The following WDPCP variants were observed in gnomAD, a reference collection of about 807,000 sequenced individuals.
WDPCP encodes the protein WD repeat-containing and planar cell polarity effector protein fritz homolog.
In WDPCP, 71 loss-of-function variants were observed where a neutral mutation model predicts 93.1. That is an observed-to-expected ratio of 0.76 (90% confidence interval 0.63 to 0.93). WDPCP has a LOEUF of 0.93. WDPCP is among the 40% of genes least tolerant of loss of function. The pLI, the probability that WDPCP is intolerant of heterozygous loss-of-function variation, is 0.00. For missense variants in WDPCP, 844 were observed against 887.4 expected (o/e 0.95, Z 0.62); for synonymous variants, 315 against 315.0 (o/e 1.00, Z 0.00).
At chr2:63,368,297 A>ATTTATTT (rs372647501) in intron 12 of WDPCP, among the ~76,000 whole-genome samples, 29 of 147,150 alleles carry the variant, frequency 2.0e-4, no homozygotes, top group Non-Finnish European at 2.6e-4. Flanking sequence ...GTTTATTTTT[A>ATTTATTT]ATTTATTTAT....
rs556701249 is a variant in WDPCP, at chr2:63,525,545, GT to G, written c.76-32606del. 1.2e-3 allele frequency among the ~76,000 whole-genome samples: 176 copies of G among 152,140 alleles called. 1 individual carries two copies. Among genetic ancestry groups the G allele is most frequent in the African/African-American group, 4.2e-3 (173 of 41,498 alleles). ...TATTCTTCTATTCTTTAAATTCCAAGTTTCATCCAAATCCATTGTCTGCTCA... is the reference window on the plus strand; with the variant it reads ...TATTCTTCTATTCTTTAAATTCCAAGTTCATCCAAATCCATTGTCTGCTCA... On this transcript the variant is annotated intron_variant, in intron 1 of 17. Coordinates refer to ENST00000272321, the MANE Select transcript of WDPCP (RefSeq NM_015910.7).
intron 1 of WDPCP, among the ~76,000 whole-genome samples, chr2:63,552,916 C>G (rs1350997366): frequency 6.6e-6 from 1 of 152,106 alleles, no homozygotes; most frequent in Non-Finnish European, 1.5e-5. Context: ...ACAAGTGTGT[C>G]TAAAGGTGAT....
At chr2:63,375,631 C>T (rs1691788668) in intron 12 of WDPCP, among the ~76,000 whole-genome samples, 3 of 151,574 alleles carry the variant, frequency 2.0e-5, no homozygotes, top group East Asian at 3.9e-4. Context: ...TTGTTAAAGA[C>T]AAAAAAGACC....
chr2:63,233,558 A>G (rs1559230919), intron 14 of WDPCP: 1 of 171,396 alleles, frequency 5.8e-6, no homozygotes, highest in Non-Finnish European at 1.3e-5. Flanking sequence ...CTCTCTTAGG[A>G]TATTCAATAT....
chr2:63,828,281 T>C (rs368548144), upstream of WDPCP, among the ~76,000 whole-genome samples: 25 of 152,242 alleles, frequency 1.6e-4, 1 homozygote, highest in East Asian at 4.2e-3. Flanking sequence ...CTTCCAGATA[T>C]ATTTTTGGCT....
At chr2:63,235,873 A>T (rs1679344889) in intron 14 of WDPCP, among the ~76,000 whole-genome samples, 1 of 152,208 alleles carries the variant, frequency 6.6e-6, no homozygotes, top group African/African-American at 2.4e-5. Context: ...TCTATGACAA[A>T]CCCACAGCCA....
chr2:63,668,935 C>T (rs967478959), intron 2 of WDPCP, among the ~76,000 whole-genome samples: 4 of 152,172 alleles, frequency 2.6e-5, no homozygotes, highest in African/African-American at 7.2e-5. Context: ...TAGAATAACC[C>T]TTCTTTCCCA....
intron 2 of WDPCP, among the ~76,000 whole-genome samples, chr2:63,721,376 T>C (rs977976292): frequency 5.9e-5 from 9 of 152,248 alleles, no homozygotes; most frequent in African/African-American, 1.7e-4. Context: ...ATCTCCTGTG[T>C]TATCTCTGGA....
intron 12 of WDPCP, among the ~76,000 whole-genome samples, chr2:63,322,351 G>A (rs1291217453): frequency 3.9e-5 from 6 of 152,180 alleles, no homozygotes; most frequent in East Asian, 1.9e-4. Flanking sequence ...GTGGCAACCC[G>A]CTCGGGTCCC....
At chr2:63,140,056 T>A (rs552576221) in intron 17 of WDPCP, among the ~76,000 whole-genome samples, 54 of 152,346 alleles carry the variant, frequency 3.5e-4, no homozygotes, top group African/African-American at 1.2e-3. Flanking sequence ...CCAGCACCAT[T>A]TGTTGAAAAG....
intron 3 of WDPCP, chr2:63,594,659 T>C (rs752493845): frequency 8.9e-5 from 96 of 1,077,798 alleles, no homozygotes; most frequent in Non-Finnish European, 1.2e-4. Context: ...TATTTAGTTG[T>C]ACACAAATTG....
At chr2:63,622,801 G>A (rs1305462455) in intron 3 of WDPCP, 5 of 1,611,926 alleles carry the variant, frequency 3.1e-6, no homozygotes, top group African/African-American at 2.7e-5. Flanking sequence ...GAACTCCGGA[G>A]CACGCTCTGG....
intron 9 of WDPCP, among the ~76,000 whole-genome samples, chr2:63,409,705 G>A (rs1427783546): frequency 2.0e-5 from 3 of 152,128 alleles, no homozygotes; most frequent in Non-Finnish European, 4.4e-5. Flanking sequence ...AGAAAAAACA[G>A]TGAAAAATTC....
intron 12 of WDPCP, among the ~76,000 whole-genome samples, chr2:63,320,805 A>T (rs1171326575): frequency 1.3e-5 from 2 of 152,102 alleles, no homozygotes; most frequent in Non-Finnish European, 2.9e-5. Context: ...TACAAACAAA[A>T]AACAAAATGA....
intron 2 of WDPCP, among the ~76,000 whole-genome samples, chr2:63,663,708 T>A (rs1710253667): frequency 6.6e-6 from 1 of 152,192 alleles, no homozygotes; most frequent in Non-Finnish European, 1.5e-5. Context: ...CTGAGTGTTG[T>A]GTGACTAAAA....
At chr2:63,142,923 T>TATAC (rs1403136091) in intron 17 of WDPCP, among the ~76,000 whole-genome samples, 2 of 105,758 alleles carry the variant, frequency 1.9e-5, no homozygotes, top group South Asian at 3.5e-4. Flanking sequence ...CACATACATA[T>TATAC]ACACACACAC....
At chr2:63,526,901 G>A (rs899652374) in intron 1 of WDPCP, among the ~76,000 whole-genome samples, 5 of 152,046 alleles carry the variant, frequency 3.3e-5, no homozygotes, top group Admixed American at 6.6e-5. Flanking sequence ...ACATAAATTT[G>A]CTCTATAATA....
chr2:63,767,994 TAAC>T (rs75387989), intron 2 of WDPCP, among the ~76,000 whole-genome samples: 7,324 of 152,022 alleles, frequency 0.048, 317 homozygotes, highest in African/African-American at 0.11. Flanking sequence ...CCTAGGAAAA[TAAC>T]AACAACAACC....
the WDPCP span, among the ~76,000 whole-genome samples, chr2:63,836,047 G>T: frequency 6.6e-6 from 1 of 152,030 alleles, no homozygotes; most frequent in African/African-American, 2.4e-5. Flanking sequence ...AGAGAAGGGG[G>T]TTTAATCACG....
Sources: allele counts gnomAD v4.1 joint callset (sites outside exome capture counted in the v4.1 genomes callset), GRCh38; gene constraint gnomAD v4.1.1; transcripts MANE v1.5; gene names NCBI Gene and HGNC (gene_info 2026-07-23, HGNC 2026-07-21).